AIG1: variants seen among roughly 807,000 people sequenced by gnomAD.
AIG1 encodes the protein androgen induced 1, also known as androgen-induced gene 1 protein.
Under a neutral mutation model 31.4 loss-of-function variants are expected in AIG1, and 23 were observed. That is an observed-to-expected ratio of 0.73 (90% confidence interval 0.53 to 1.04). The LOEUF is 1.04. AIG1 is among the 50% of genes least tolerant of loss of function. The pLI is 0.00. For missense variants in AIG1, 274 were observed against 295.0 expected (o/e 0.93, Z 0.52); for synonymous variants, 100 against 110.5 (o/e 0.90, Z 0.60).
At chr6:143,147,108 C>T (rs1044286041) in intron 2 of AIG1, among the ~76,000 whole-genome samples, 1 of 152,134 alleles carries the variant, frequency 6.6e-6, no homozygotes, top group African/African-American at 2.4e-5. Flanking sequence ...TAGGTCTGTA[C>T]ATAGGTAGGC....
intron 3 of AIG1, among the ~76,000 whole-genome samples, chr6:143,278,555 G>A (rs537426986): frequency 2.0e-5 from 3 of 148,086 alleles, no homozygotes; most frequent in African/African-American, 7.5e-5. Context: ...TGCAACCTCT[G>A]CCTCCCAGGT....
intron 1 of AIG1, among the ~76,000 whole-genome samples, chr6:143,070,847 C>G (rs1035458570): frequency 6.6e-6 from 1 of 152,216 alleles, no homozygotes; most frequent in Non-Finnish European, 1.5e-5. Flanking sequence ...CAAAAACATT[C>G]AACGGCAGTG....
chr6:143,201,573 G>C (rs117433100), intron 3 of AIG1, among the ~76,000 whole-genome samples: 1 of 152,124 alleles, frequency 6.6e-6, no homozygotes, highest in Admixed American at 6.6e-5. Context: ...ACTATCCTCC[G>C]TGGGTCCCAC....
intron 1 of AIG1, among the ~76,000 whole-genome samples, chr6:143,072,082 A>G (rs1777340842): frequency 6.6e-6 from 1 of 151,956 alleles, no homozygotes; most frequent in East Asian, 1.9e-4. Context: ...GTGAGCCACT[A>G]TGCCTGGCTC....
intron 3 of AIG1, among the ~76,000 whole-genome samples, chr6:143,207,772 A>T (rs1791241437): frequency 6.6e-6 from 1 of 152,140 alleles, no homozygotes; most frequent in South Asian, 2.1e-4. Context: ...TTTCAGGAAA[A>T]ATTAGAAAGG....
Position 143,326,462 on chromosome 6 carries a change from T to C in AIG1, c.516-6820T>C, listed in dbSNP as rs1274175211. Among the ~76,000 whole-genome samples the C allele has an allele frequency of 6.6e-6, 1 of 152,196 alleles. No homozygotes were observed. The highest frequency in any genetic ancestry group is 2.4e-5 in the African/African-American group (1 of 41,452). On this transcript the variant is annotated intron_variant, in intron 4 of 5. Transcript: ENST00000357847. The surrounding 1 kb of genome is among the most constrained non-coding windows in gnomAD (Gnocchi z 4.5). ...TTCATTCATTCATTCTTCTAGTGTGTGACAGGCATTCTGATAAGTGCTGAG... is the reference window on the plus strand; with the variant it reads ...TTCATTCATTCATTCTTCTAGTGTGCGACAGGCATTCTGATAAGTGCTGAG...
intron 1 of AIG1, among the ~76,000 whole-genome samples, chr6:143,066,260 A>G (rs1013241603): frequency 6.6e-6 from 1 of 151,772 alleles, no homozygotes; most frequent in Non-Finnish European, 1.5e-5. Flanking sequence ...CAGTCTTAAT[A>G]TATGAATTCT....
intron 3 of AIG1, among the ~76,000 whole-genome samples, chr6:143,272,916 G>A (rs1177239362): frequency 1.3e-5 from 2 of 152,278 alleles, no homozygotes; most frequent in African/African-American, 2.4e-5. Context: ...GAATCACAAG[G>A]TCAGGAGTTC....
intron 4 of AIG1, among the ~76,000 whole-genome samples, chr6:143,286,345 G>A (rs944591014): frequency 6.6e-6 from 1 of 151,980 alleles, no homozygotes; most frequent in Admixed American, 6.6e-5. Flanking sequence ...CCAGCTCTGC[G>A]TACTCCCTAA....
chr6:143,289,845 G>A (rs955201653), intron 4 of AIG1, among the ~76,000 whole-genome samples: 4 of 152,130 alleles, frequency 2.6e-5, no homozygotes, highest in Admixed American at 1.3e-4. Context: ...AGGAAAAAAT[G>A]TGTACCCTCT....
At chr6:143,175,522 C>T (rs1489366638) in intron 3 of AIG1, among the ~76,000 whole-genome samples, 1 of 151,948 alleles carries the variant, frequency 6.6e-6, no homozygotes, top group East Asian at 1.9e-4. Flanking sequence ...TTTTATTTGT[C>T]TTTGTTGAGT....
intron 3 of AIG1, among the ~76,000 whole-genome samples, chr6:143,231,183 A>T (rs1378097901): frequency 6.6e-6 from 1 of 152,246 alleles, no homozygotes; most frequent in Non-Finnish European, 1.5e-5. Flanking sequence ...AGTGCATAGC[A>T]AGTGTTCATT....
At chr6:143,060,619 C>A, upstream of AIG1, 1 of 452,886 alleles carries the variant, frequency 2.2e-6, no homozygotes, top group Non-Finnish European at 4.6e-6. Flanking sequence ...CCGGGTGTCC[C>A]GGGACCCTGC....
intron 3 of AIG1, among the ~76,000 whole-genome samples, chr6:143,263,888 A>G (rs1795976061): frequency 6.6e-6 from 1 of 152,208 alleles, no homozygotes; most frequent in African/African-American, 2.4e-5. Flanking sequence ...ACCAAGCTGA[A>G]GGAGAATGTG....
At chr6:143,213,209 A>G (rs1165861219) in intron 3 of AIG1, among the ~76,000 whole-genome samples, 1 of 152,214 alleles carries the variant, frequency 6.6e-6, no homozygotes, top group East Asian at 1.9e-4. Flanking sequence ...GTTTAGTTAC[A>G]TTGTTGCTTC....
intron 4 of AIG1, among the ~76,000 whole-genome samples, chr6:143,310,632 A>T (rs765445446): frequency 6.6e-6 from 1 of 151,278 alleles, no homozygotes; most frequent in Non-Finnish European, 1.5e-5. Flanking sequence ...AATAAATAAA[A>T]TTTAAAAAAA....
chr6:143,341,323 C>T (rs1193043495), downstream of AIG1, among the ~76,000 whole-genome samples: 3 of 152,160 alleles, frequency 2.0e-5, no homozygotes, highest in Non-Finnish European at 4.4e-5. Flanking sequence ...TGGTTTCCAT[C>T]ACAACTACAT....
intron 3 of AIG1, among the ~76,000 whole-genome samples, chr6:143,174,658 A>C (rs570866395): frequency 1.1e-4 from 17 of 152,186 alleles, no homozygotes; most frequent in Admixed American, 9.8e-4. Flanking sequence ...CCATTCTGCC[A>C]TTTTGTGTCT....
At chr6:143,190,481 G>A in intron 3 of AIG1, 3 of 985,360 alleles carry the variant, frequency 3.0e-6, no homozygotes, top group Non-Finnish European at 3.6e-6. Flanking sequence ...AGTCTGATCA[G>A]ACAATATCTT....
Sources: allele counts gnomAD v4.1 joint callset (sites outside exome capture counted in the v4.1 genomes callset), GRCh38; gene constraint gnomAD v4.1.1; non-coding constraint Gnocchi (gnomAD v3.1); transcripts MANE v1.5; gene names NCBI Gene and HGNC (gene_info 2026-07-23, HGNC 2026-07-21).